Variants in PLEKHA5 observed in about 807,000 individuals in gnomAD.
PLEKHA5 encodes the protein pleckstrin homology domain containing A5.
Under a neutral mutation model 181.9 loss-of-function variants are expected in PLEKHA5, and 55 were observed. That is an observed-to-expected ratio of 0.30 (90% CI 0.24 to 0.38). PLEKHA5 has a LOEUF of 0.38. PLEKHA5 is among the 10% of genes least tolerant of loss of function. PLEKHA5 has a pLI of 1.00. For missense variants in PLEKHA5, 1,432 were observed against 1,549.5 expected (o/e 0.92, Z 1.27); for synonymous variants, 535 against 529.4 (o/e 1.01, Z -0.15).
At chr12:19,232,305 T>C (rs2060752151) in intron 3 of PLEKHA5, among the ~76,000 whole-genome samples, 1 of 152,066 alleles carries the variant, frequency 6.6e-6, no homozygotes, top group Non-Finnish European at 1.5e-5. Flanking sequence ...GAGATTGGGG[T>C]AGATCTCTCT....
intron 20 of PLEKHA5, among the ~76,000 whole-genome samples, chr12:19,327,247 G>GTTTTTTTTTTTTTTT (rs55983306): frequency 7.2e-6 from 1 of 138,540 alleles, no homozygotes; most frequent in Non-Finnish European, 1.5e-5. Flanking sequence ...ATCTGTTTTT[G>GTTTTTTTTTTTTTTT]TTTTTTTTTT....
intron 3 of PLEKHA5, among the ~76,000 whole-genome samples, chr12:19,220,297 C>T (rs1348670569): frequency 2.0e-5 from 3 of 151,398 alleles, no homozygotes; most frequent in Non-Finnish European, 4.4e-5. Context: ...AGTTAATTGT[C>T]TTTAAATAGT....
chr12:19,262,780 A>G (rs927081735), intron 7 of PLEKHA5, among the ~76,000 whole-genome samples: 3 of 152,196 alleles, frequency 2.0e-5, no homozygotes, highest in African/African-American at 7.2e-5. Context: ...GTACTGTGCT[A>G]TCTGGGAGAC....
chr12:19,284,652 G>A (rs2152808257), intron 12 of PLEKHA5, among the ~76,000 whole-genome samples: 1 of 152,326 alleles, frequency 6.6e-6, no homozygotes, highest in East Asian at 1.9e-4. Context: ...ATTATTTGAA[G>A]TGAATTCAAA....
chr12:19,280,278 C>T (rs1165041998), intron 11 of PLEKHA5, among the ~76,000 whole-genome samples: 1 of 151,936 alleles, frequency 6.6e-6, no homozygotes, highest in African/African-American at 2.4e-5. Flanking sequence ...TCAAGTGATC[C>T]ACCCGCCTTG....
chr12:19,215,699 A>T (rs1341268798), intron 3 of PLEKHA5, among the ~76,000 whole-genome samples: 5 of 152,196 alleles, frequency 3.3e-5, no homozygotes, highest in Non-Finnish European at 5.9e-5. Context: ...CAGCAAGTTT[A>T]AAAAAATTGT....
chr12:19,159,032 A>C (rs1042118038), intron 3 of PLEKHA5, among the ~76,000 whole-genome samples: 1 of 152,212 alleles, frequency 6.6e-6, no homozygotes, highest in Non-Finnish European at 1.5e-5. Context: ...AAATTACTGA[A>C]TCTGACATTT....
At chr12:19,340,464 C>T (rs547875214) in intron 21 of PLEKHA5, among the ~76,000 whole-genome samples, 1 of 136,190 alleles carries the variant, frequency 7.3e-6, no homozygotes, top group East Asian at 2.0e-4. Context: ...CTCAACAGCT[C>T]ATTGAGAACG....
intron 3 of PLEKHA5, among the ~76,000 whole-genome samples, chr12:19,224,441 A>G (rs1029224634): frequency 1.3e-5 from 2 of 152,124 alleles, no homozygotes; most frequent in Non-Finnish European, 2.9e-5. Context: ...TCACTTGCCC[A>G]TTATCAGTGG....
intron 3 of PLEKHA5, among the ~76,000 whole-genome samples, chr12:19,214,289 G>T (rs955422083): frequency 6.6e-6 from 1 of 152,130 alleles, no homozygotes; most frequent in African/African-American, 2.4e-5. Context: ...TTTGAGATGC[G>T]GACCAAGAAG....
intron 6 of PLEKHA5, among the ~76,000 whole-genome samples, chr12:19,258,622 C>T (rs1218455245): frequency 5.6e-5 from 8 of 142,486 alleles, no homozygotes; most frequent in East Asian, 4.1e-4. Context: ...TGGAGGGCAG[C>T]GGTGTGATCT....
intron 3 of PLEKHA5, among the ~76,000 whole-genome samples, chr12:19,181,460 T>C (rs1462481140): frequency 2.0e-5 from 3 of 152,182 alleles, no homozygotes; most frequent in Admixed American, 6.5e-5. Context: ...TGTGGCTGTA[T>C]TGGTTATTTT....
chr12:19,274,570 C>T lies in PLEKHA5; in HGVS notation c.900C>T (p.Pro300=), dbSNP rs2074012251. ...NAPTKETNNI[P]NHRVLIKPEI... is the part of the protein sequence containing the mutation. ...CAACTAAAGAAACCAATAACATTCC[C>T]AACCATAGAGTGCTAATTAAACCAG... Residue 300 remains proline, a synonymous_variant, in exon 11 of 32, where the codon CCC becomes CCT. Transcript: ENST00000429027. The T allele has an allele frequency of 1.2e-6, 2 of 1,612,746 alleles. No individual in the cohort carries two copies. The highest frequency in any genetic ancestry group is 2.7e-5 in the African/African-American group (2 of 74,724).
chr12:19,201,998 G>C (rs573156250), intron 3 of PLEKHA5: 4 of 965,760 alleles, frequency 4.1e-6, no homozygotes, highest in Non-Finnish European at 4.9e-6. Context: ...AGCTGAGTTA[G>C]TACCACTTGC....
At chr12:19,233,150 A>G (rs764551686) in intron 3 of PLEKHA5, among the ~76,000 whole-genome samples, 3 of 152,172 alleles carry the variant, frequency 2.0e-5, no homozygotes, top group Non-Finnish European at 4.4e-5. Context: ...AATTAGTGTT[A>G]CTTTGGTTTT....
At position 19,283,622 on chromosome 12, in the gene PLEKHA5, C is replaced by G. The variant is rs1470853196; in HGVS notation, c.1656C>G (p.Ser552=). The G allele has an allele frequency of 1.9e-6, 3 of 1,614,066 alleles. No individual in the cohort carries two copies. The highest frequency in any genetic ancestry group is 2.5e-6 in the Non-Finnish European group (3 of 1,179,932). Residue 552 remains serine, a synonymous_variant, in exon 12 of 32, where the codon TCC becomes TCG. Transcript: ENST00000429027. ...TGCACTCTATTCCCACATCACCTTCCCACGGGTCAATAGCTGCTTATCAGG... is the reference window on the plus strand; with the variant it reads ...TGCACTCTATTCCCACATCACCTTCGCACGGGTCAATAGCTGCTTATCAGG... ...QTMHSIPTSP[S]HGSIAAYQGY...
At chr12:19,313,044 T>TC (rs1269510167) in intron 15 of PLEKHA5, among the ~76,000 whole-genome samples, 3 of 152,260 alleles carry the variant, frequency 2.0e-5, no homozygotes, top group Middle Eastern at 3.4e-3. Context: ...AGAGATGGGA[T>TC]AACGGCTGGT....
At chr12:19,358,796 C>G (rs1170647338) in intron 27 of PLEKHA5, among the ~76,000 whole-genome samples, 3 of 152,184 alleles carry the variant, frequency 2.0e-5, no homozygotes, top group African/African-American at 7.2e-5. Context: ...ATTCCCCTCT[C>G]AATAAAATAT....
chr12:19,249,476 AC>A (rs1397446323), intron 3 of PLEKHA5, among the ~76,000 whole-genome samples: 1 of 152,204 alleles, frequency 6.6e-6, no homozygotes, highest in Non-Finnish European at 1.5e-5. Flanking sequence ...AGAACAGCTC[AC>A]AATTTAAAAC....
Sources: gnomAD v4.1 joint callset for allele counts (sites outside exome capture counted in the v4.1 genomes callset) on GRCh38, gnomAD v4.1.1 for gene constraint, MANE v1.5 for transcripts, NCBI Gene and HGNC (gene_info 2026-07-23, HGNC 2026-07-21) for gene names.